DMD: variants seen among roughly 807,000 people sequenced by gnomAD.
The protein encoded by DMD is dystrophin.
In DMD, 63 loss-of-function variants were observed where a neutral mutation model predicts 330.1. The ratio of observed to expected loss-of-function variants is 0.19; its 90% CI spans 0.16 to 0.24. DMD has a LOEUF of 0.24. DMD is among the 10% of genes least tolerant of loss of function. The probability of loss-of-function intolerance (pLI) is 1.00; values close to 1 mark genes in which losing one functional copy is unlikely to be tolerated. For missense variants in DMD, 3,344 were observed against 2,684.1 expected, an observed-to-expected ratio of 1.25 and a Z score of -5.43; for synonymous variants, 1,223 against 959.8, an observed-to-expected ratio of 1.27 and a Z score of -5.07.
intron 55 of DMD, among the ~76,000 whole-genome samples, chrX:31,618,905 T>C (rs2078369301): frequency 9.0e-6 from 1 of 110,932 alleles, no homozygotes; most frequent in Non-Finnish European, 1.9e-5. Flanking sequence ...AAAATTGATA[T>C]CCATAACACT....
At chrX:32,641,262 G>A (rs1399888460) in intron 11 of DMD, among the ~76,000 whole-genome samples, 1 of 108,750 alleles carries the variant, frequency 9.2e-6, no homozygotes, top group Non-Finnish European at 1.9e-5. Context: ...TTTTTTCTTG[G>A]CTGCCAGCCT....
chrX:32,474,722 T>G (rs1459545720), intron 21 of DMD, among the ~76,000 whole-genome samples: 1 of 111,502 alleles, frequency 9.0e-6, no homozygotes, highest in African/African-American at 3.3e-5. Flanking sequence ...TTTTTCTTAC[T>G]GATTTGAGTT....
At chrX:32,864,673 C>A (rs2082345035) in intron 2 of DMD, among the ~76,000 whole-genome samples, 1 of 111,522 alleles carries the variant, frequency 9.0e-6, no homozygotes, top group African/African-American at 3.3e-5. Context: ...GTTTCATTAA[C>A]TCCTCAGGAC....
At chrX:32,466,566 T>C (rs979554876) in intron 23 of DMD, among the ~76,000 whole-genome samples, 1 of 111,321 alleles carries the variant, frequency 9.0e-6, no homozygotes, top group African/African-American at 3.3e-5. Context: ...GGGGAGATTA[T>C]ACTGGATCAT....
chrX:32,032,247 T>C (rs769958008), intron 44 of DMD, among the ~76,000 whole-genome samples: 10 of 111,958 alleles, frequency 8.9e-5, no homozygotes, highest in African/African-American at 2.9e-4. Flanking sequence ...CACATTTTCA[T>C]TTTTAGAGTA....
rs1352069437 is a variant in DMD, at chrX:32,879,021, A to AAAAAAAAAAC, written c.94-29202_94-29201insGTTTTTTTTT. Among the ~76,000 whole-genome samples the AAAAAAAAAAC allele has an allele frequency of 2.2e-4, 22 of 101,786 alleles. 1 individual carries two copies. The highest frequency in any genetic ancestry group is 4.1e-4 in the Non-Finnish European group (20 of 48,841). The allele number at this position is 101,786 out of a possible 115,157, so 88.4% of individuals were successfully genotyped here. A position where few individuals can be genotyped will look rare whatever the true frequency, so the allele number is the denominator to read the frequency against. The stretch of plus-strand genomic sequence containing the variant: ...AGACTACGTCTCAAAAAAAAAACAA[A>AAAAAAAAAAC]AAACAAAAAACAAACAAAAAAAAAA... On this transcript the variant is annotated intron_variant, in intron 2 of 78. Coordinates refer to ENST00000357033, the MANE Select transcript of DMD (RefSeq NM_004006.3).
At chrX:31,571,413 C>CTGTTA (rs10686482) in intron 55 of DMD, among the ~76,000 whole-genome samples, 37,323 of 108,486 alleles carry the variant, frequency 0.34, 5,091 homozygotes, top group African/African-American at 0.47. Context: ...TATTAATCTT[C>CTGTTA]TAACATTACC....
chrX:32,747,515 C>T (rs774599853), intron 7 of DMD, among the ~76,000 whole-genome samples: 6 of 111,786 alleles, frequency 5.4e-5, no homozygotes, highest in Non-Finnish European at 1.1e-4. Context: ...AGATCTCACT[C>T]TGTTGTCCAG....
intron 16 of DMD, among the ~76,000 whole-genome samples, chrX:32,548,224 C>A (rs992594287): frequency 1.8e-5 from 2 of 111,164 alleles, no homozygotes; most frequent in Non-Finnish European, 3.8e-5. Context: ...TATTTAGGAA[C>A]CTTACGGCAA....
At chrX:31,270,710 A>T (rs1259762907) in intron 62 of DMD, among the ~76,000 whole-genome samples, 1 of 111,878 alleles carries the variant, frequency 8.9e-6, no homozygotes, top group Admixed American at 9.5e-5. Flanking sequence ...TTAAGGAAGA[A>T]AGAATTAAAG....
chrX:32,526,845 C>G lies in DMD; in HGVS notation c.2169-8714G>C, dbSNP rs147787273. The stretch of plus-strand genomic sequence containing the variant: ...TGTCAGAAGAGCCTCCTGATGGGCA[C>G]TGTGTTCTGTTAATTTTCTTTACAG... On this transcript the variant is annotated intron_variant, in intron 17 of 78. Coordinates refer to ENST00000357033, the MANE Select transcript of DMD (RefSeq NM_004006.3). 4.5e-3 allele frequency among the ~76,000 whole-genome samples: 506 copies of G among 111,992 alleles called. 4 individuals carry two copies. The highest frequency in any genetic ancestry group is 0.015 in the African/African-American group (463 of 30,841).
At chrX:32,446,018 G>C (rs1381129092) in intron 27 of DMD, among the ~76,000 whole-genome samples, 4 of 110,377 alleles carry the variant, frequency 3.6e-5, no homozygotes, top group Non-Finnish European at 7.6e-5. Flanking sequence ...TGAGCAGATA[G>C]AGATAAGAAT....
chrX:32,335,538 TTATA>T (rs1285128884), intron 41 of DMD, among the ~76,000 whole-genome samples: 1 of 102,018 alleles, frequency 9.8e-6, no homozygotes, highest in African/African-American at 3.6e-5. Flanking sequence ...ATAAAACATG[TTATA>T]TATAACGTGT....
chrX:31,737,516 AGCTGGG>A (rs2086960982), intron 51 of DMD, among the ~76,000 whole-genome samples: 1 of 111,705 alleles, frequency 9.0e-6, no homozygotes, highest in African/African-American at 3.3e-5. Context: ...TCTTGACAGG[AGCTGGG>A]GCTGTGAGTA....
In DMD at chrX:32,115,280, G is replaced by C. The variant is rs768614049; in HGVS notation, c.6438+101636C>G. On this transcript the variant is annotated intron_variant, in intron 44 of 78. Transcript: ENST00000357033. ...AGACAGGGTCTCACTCTGTTGCCCA[G>C]GCTGGAGTGCAGCGGTGTGATCACG... 2.7e-5 allele frequency among the ~76,000 whole-genome samples: 3 copies of C among 111,515 alleles called. No individual in the cohort carries two copies. In the South Asian group the frequency reaches 1.1e-3, roughly 42 times the overall value.
intron 43 of DMD, among the ~76,000 whole-genome samples, chrX:32,266,494 G>A (rs1396479908): frequency 8.9e-6 from 1 of 112,036 alleles, no homozygotes; most frequent in Non-Finnish European, 1.9e-5. Flanking sequence ...GAACGCCATT[G>A]TCATATTAAT....
chrX:32,893,265 A>G (rs1331569428), intron 2 of DMD, among the ~76,000 whole-genome samples: 12 of 111,868 alleles, frequency 1.1e-4, no homozygotes. Flanking sequence ...TTTTTACCCC[A>G]TGCTTCCTTA....
chrX:32,861,115 T>C (rs780010262), intron 2 of DMD, among the ~76,000 whole-genome samples: 1 of 112,123 alleles, frequency 8.9e-6, no homozygotes, highest in South Asian at 3.7e-4. Flanking sequence ...TTTTCATCTA[T>C]AGAAAGAGCA....
intron 41 of DMD, among the ~76,000 whole-genome samples, chrX:32,329,501 G>A (rs1345410877): frequency 8.9e-6 from 1 of 111,906 alleles, no homozygotes; most frequent in African/African-American, 3.2e-5. Flanking sequence ...CATTAGGGAG[G>A]CCAATATATG....
Sources: gnomAD v4.1 joint callset for allele counts (sites outside exome capture counted in the v4.1 genomes callset) on GRCh38, gnomAD v4.1.1 for gene constraint, MANE v1.5 for transcripts, NCBI Gene and HGNC (gene_info 2026-07-23, HGNC 2026-07-21) for gene names.